Variants in ACADS observed in about 807,000 individuals in gnomAD.
ACADS encodes short-chain specific acyl-CoA dehydrogenase, mitochondrial.
In ACADS, 28 loss-of-function variants were observed where a neutral mutation model predicts 46.8. That is an observed-to-expected ratio of 0.60 (90% confidence interval 0.44 to 0.82). ACADS has a LOEUF of 0.82. Among genes scored for constraint, ACADS ranks in the 40% least tolerant of loss-of-function variants. The probability of loss-of-function intolerance (pLI) is 0.00; values close to 1 mark genes in which losing one functional copy is unlikely to be tolerated. For synonymous variants in ACADS, 236 were observed against 237.7 expected, an observed-to-expected ratio of 0.99 and a Z score of 0.07; for missense variants, 528 against 578.0, an observed-to-expected ratio of 0.91 and a Z score of 0.89.
At chr12:120,735,369 A>C (rs1418756473) in intron 2 of ACADS, among the ~76,000 whole-genome samples, 6 of 150,318 alleles carry the variant, frequency 4.0e-5, no homozygotes, top group Non-Finnish European at 8.9e-5. Flanking sequence ...AAAAAAAAAA[A>C]AAAAACAACT....
intron 1 of ACADS, 69 bp downstream of exon 1, chr12:120,726,000 C>T: frequency 6.9e-7 from 1 of 1,444,514 alleles, no homozygotes; most frequent in East Asian, 2.7e-5. Context: ...GAGGTCCTGG[C>T]GGCCGGCTCT....
chr12:120,734,907 A>G (rs979154578), intron 2 of ACADS, among the ~76,000 whole-genome samples: 1 of 149,540 alleles, frequency 6.7e-6, no homozygotes, highest in Middle Eastern at 3.2e-3. Context: ...ACCCGCCACC[A>G]TGCCTGGCTA....
At position 120,725,940 on chromosome 12, in the gene ACADS, G is replaced by A. The variant is rs769227276; in HGVS notation, c.46+9G>A. On this transcript the variant is annotated intron_variant, in intron 1 of 9. Coordinates refer to ENST00000242592, the MANE Select transcript of ACADS (RefSeq NM_000017.4). ...GGGCCCTGCCCGCAGAGGTGAGTGC[G>A]CTGGGGATCCGTACGGCGGGGCTTC... is the stretch of plus-strand genomic sequence containing the variant. The A allele has an allele frequency of 6.5e-7, 1 of 1,543,196 alleles. No homozygotes were observed. Among genetic ancestry groups the A allele is most frequent in the South Asian group, 1.2e-5 (1 of 84,062 alleles).
rs1358584177 is a variant in ACADS, at chr12:120,728,194, G to A, written c.210+1005G>A. Among the ~76,000 whole-genome samples the A allele has an allele frequency of 2.0e-4, 30 of 151,826 alleles. No homozygotes were observed. Among genetic ancestry groups the A allele is most frequent in the African/African-American group, 6.5e-4 (27 of 41,438 alleles). On this transcript the variant is annotated intron_variant, in intron 2 of 9. Coordinates refer to ENST00000242592, the MANE Select transcript of ACADS (RefSeq NM_000017.4). This position sits in a 1 kb window ranked among gnomAD's most constrained non-coding sequence, Gnocchi z 4.0. The stretch of plus-strand genomic sequence containing the variant: ...ACTCCTGACCTTAGGCGATCTGCCC[G>A]CCTTGGCGTCCCAAAGTGCTGGGAT...
chr12:120,737,082 G>A lies in ACADS; in HGVS notation c.307G>A (p.Glu103Lys). Residue 103 changes from glutamate (E) to lysine (K), a missense_variant, in exon 3 of 10, where the codon GAG becomes AAG. Coordinates refer to ENST00000242592, the MANE Select transcript of ACADS (RefSeq NM_000017.4). ...TTACCTGGCCTACGCCATCGCCATG[G>A]AGGAGATCAGCCGTGGCTGCGCCTC... ...LDYLAYAIAM[E>K]EISRGCASTG... 2 of 1,601,484 alleles carry A rather than the reference G, an allele frequency of 1.2e-6. No homozygotes were observed. The highest frequency in any genetic ancestry group is 1.3e-5 in the African/African-American group (1 of 74,900).
At position 120,739,000 on chromosome 12, in the gene ACADS, G is replaced by GC. The variant is rs57852948; in HGVS notation, c.1029+89dup. 46,366 of 1,592,328 alleles carry GC rather than the reference G, an allele frequency of 0.029. 4,025 individuals are homozygous for GC. In the African/African-American group the frequency reaches 0.29, roughly 10 times the overall value. On this transcript the variant is annotated intron_variant, in intron 8 of 9. Transcript: ENST00000242592. ...GGTTGGGGCGGGTCTCTGCTCCTTG[G>GC]CCCCGTGGGTCAGAGGTGTGGGCCT...
intron 2 of ACADS, among the ~76,000 whole-genome samples, chr12:120,727,989 C>T (rs1592933875): frequency 6.6e-6 from 1 of 152,022 alleles, no homozygotes; most frequent in African/African-American, 2.4e-5. Context: ...GCTCTGTTGC[C>T]CAGGCTGGAG....
In ACADS at chr12:120,739,194, C is replaced by A; in HGVS notation, c.1084C>A (p.Gln362Lys). ...GGAGGCCGCGACCGCCATCAGCCAC[C>A]AGGTGAGTGTCCACAGTGAGCTCTG... Reference protein sequence around the residue: ...ASEAATAISHQAIQILGGMGY... With the variant: ...ASEAATAISHKAIQILGGMGY... The change falls in exon 9 of 10, where the codon CAG becomes AAG. Residue 362 changes from glutamine (Q) to lysine (K), a missense_variant and splice_region_variant. Coordinates refer to ENST00000242592, the MANE Select transcript of ACADS (RefSeq NM_000017.4). 6.2e-7 allele frequency: 1 copy of A among 1,613,082 alleles called. No individual in the cohort carries two copies. Among genetic ancestry groups the A allele is most frequent in the Non-Finnish European group, 8.5e-7 (1 of 1,180,016 alleles).
chr12:120,737,313 G>T lies in ACADS; in HGVS notation c.361-43G>T, dbSNP rs183268986. On this transcript the variant is annotated intron_variant, in intron 3 of 9. Transcript: ENST00000242592. ...TGCAGCCCGCAGGTGGGCAGGATGC[G>T]CCTGGGCCTGGGGCCTCCGACCGCT... The T allele has an allele frequency of 3.8e-4, 600 of 1,588,478 alleles. 2 individuals are homozygous for T. The highest frequency in any genetic ancestry group is 5.2e-4 in the Middle Eastern group (3 of 5,790).
rs773156731 is a variant in ACADS, at chr12:120,737,134, A to G, written c.359A>G (p.Asn120Ser). The change falls in exon 3 of 10, where the codon AAC becomes AGC. Residue 120 changes from asparagine to serine, a missense_variant and splice_region_variant. Asn to Ser is a conservative substitution (Grantham distance 46). Transcript: ENST00000242592. ...ASTGVIMSVN[N>S]SLYLGPILKF... is the part of the protein sequence containing the mutation. ...ACCGGAGTCATCATGAGTGTCAACA[A>G]CGTGAGCCCCCTCCCAGGCCCCTGG... 2 of 1,581,074 alleles carry G rather than the reference A, an allele frequency of 1.3e-6. No homozygotes were observed. The highest frequency in any genetic ancestry group is 3.6e-5 in the Admixed American group (2 of 55,718).
At chr12:120,736,627 T>G (rs1883446478) in intron 2 of ACADS, among the ~76,000 whole-genome samples, 1 of 151,752 alleles carries the variant, frequency 6.6e-6, no homozygotes, top group African/African-American at 2.4e-5. Flanking sequence ...GGTGCGTGTG[T>G]GTGGATGTGC....
intron 2 of ACADS, among the ~76,000 whole-genome samples, chr12:120,730,402 A>G (rs943581141): frequency 3.3e-5 from 5 of 152,190 alleles, no homozygotes; most frequent in Non-Finnish European, 5.9e-5. Flanking sequence ...GTGAATTCCT[A>G]CAACTTTTGA....
chr12:120,738,995 C>T (rs1041882591), intron 8 of ACADS, 80 bp downstream of exon 8: 9 of 1,592,974 alleles, frequency 5.6e-6, no homozygotes, highest in Admixed American at 3.4e-5. Flanking sequence ...GGTCTCTGCT[C>T]CTTGGCCCCG....
rs1463591316 is a variant in ACADS, at chr12:120,738,544, C to T, written c.807C>T (p.Asp269=). 6.2e-7 allele frequency: 1 copy of T among 1,610,106 alleles called. No homozygotes were observed. Among genetic ancestry groups the T allele is most frequent in the East Asian group, 2.2e-5 (1 of 44,888 alleles). ...MGFKIAMQTL[D]MGRIGIASQA... is the part of the protein sequence containing the mutation. The stretch of plus-strand genomic sequence containing the variant: ...GGCGGTCCCCACAGCAAACCCTGGA[C>T]ATGGGCCGCATCGGCATCGCCTCCC... The change falls in exon 7 of 10, where the codon GAC becomes GAT. Residue 269 remains aspartate (D), a synonymous_variant. Coordinates refer to ENST00000242592, the MANE Select transcript of ACADS (RefSeq NM_000017.4).
At chr12:120,739,004 C>T (rs1000626538) in intron 8 of ACADS, 89 bp downstream of exon 8, 32 of 1,591,736 alleles carry the variant, frequency 2.0e-5, no homozygotes, top group South Asian at 3.3e-5. Flanking sequence ...TCCTTGGCCC[C>T]GTGGGTCAGA....
At chr12:120,734,659 G>T (rs187613046) in intron 2 of ACADS, among the ~76,000 whole-genome samples, 1 of 151,920 alleles carries the variant, frequency 6.6e-6, no homozygotes, top group Non-Finnish European at 1.5e-5. Flanking sequence ...CCTCTAATCA[G>T]CATGAGGGAG....
chr12:120,732,318 AACCTCCCTCCCGGACGGGGT>A (rs1883275592), intron 2 of ACADS, among the ~76,000 whole-genome samples: 3 of 147,172 alleles, frequency 2.0e-5, no homozygotes, highest in Middle Eastern at 3.7e-3. Flanking sequence ...GGCTGCCCCC[AACCTCCCTCCCGGACGGGGT>A]GGCTGCCGGA....
In ACADS at chr12:120,737,873, C is replaced by T. The variant is rs542838805; in HGVS notation, c.509C>T (p.Ala170Val). Residue 170 changes from alanine to valine, a missense_variant, in exon 5 of 10, where the codon GCC (alanine) becomes GTC (valine). Physicochemically the swap from Ala to Val is moderately conservative, Grantham distance 64 (BLOSUM62 0). Coordinates refer to ENST00000242592, the MANE Select transcript of ACADS (RefSeq NM_000017.4). ...GSDAGAASTT[A>V]RAEGDSWVLN... ...GATGCAGGAGCTGCGTCCACCACCG[C>T]CCGGGCCGAGGGCGACTCATGGGTT... The T allele has an allele frequency of 1.9e-6, 3 of 1,614,016 alleles. No individual in the cohort carries two copies. Among genetic ancestry groups the T allele is most frequent in the African/African-American group, 2.7e-5 (2 of 75,056 alleles).
At chr12:120,733,234 G>GGGGGGAGAGGGA (rs1555243446) in intron 2 of ACADS, among the ~76,000 whole-genome samples, 1 of 151,054 alleles carries the variant, frequency 6.6e-6, no homozygotes, top group Non-Finnish European at 1.5e-5. Context: ...GAGGGAGACC[G>GGGGGGAGAGGGA]GGGGGAGAGG....
Sources: gnomAD v4.1 joint callset for allele counts (sites outside exome capture counted in the v4.1 genomes callset) on GRCh38, gnomAD v4.1.1 for gene constraint, Gnocchi (gnomAD v3.1) non-coding constraint, MANE v1.5 for transcripts, NCBI Gene and HGNC (gene_info 2026-07-23, HGNC 2026-07-21) for gene names.